TRHDE: variants seen among roughly 807,000 people sequenced by gnomAD.
TRHDE encodes thyrotropin-releasing hormone-degrading ectoenzyme.
Under a neutral mutation model 125.7 loss-of-function variants are expected in TRHDE, and 72 were observed. That is an observed-to-expected ratio of 0.57 (90% CI 0.47 to 0.70). The LOEUF is 0.70. Ranked by LOEUF, TRHDE falls within the 30% of genes least tolerant of loss-of-function variation. The pLI is 0.00. For missense variants in TRHDE, 1,110 were observed against 1,327.1 expected (o/e 0.84, Z 2.54); for synonymous variants, 509 against 509.1 (o/e 1.00, Z 0.00).
At chr12:72,598,099 G>A (rs1872054780) in intron 12 of TRHDE, among the ~76,000 whole-genome samples, 1 of 151,598 alleles carries the variant, frequency 6.6e-6, no homozygotes, top group African/African-American at 2.4e-5. Context: ...AAAAAGAAAA[G>A]GAAAACAAAG....
intron 3 of TRHDE, among the ~76,000 whole-genome samples, chr12:72,441,258 A>G (rs1025843797): frequency 3.3e-5 from 5 of 151,862 alleles, no homozygotes; most frequent in African/African-American, 1.2e-4. Flanking sequence ...TTCCTCTCAT[A>G]TAATGTTTTG....
rs1204841105 is a variant in TRHDE, at chr12:72,664,849, A to T, written c.*1654A>T. On this transcript the variant is annotated 3_prime_UTR_variant, in exon 19 of 19. Transcript: ENST00000261180. Reference sequence around the variant, plus strand: ...AAAGAGGAGCTATTTCCGAATCTATAGAATAAAGTACCACCTAAAACTGAA... The same window carrying T: ...AAAGAGGAGCTATTTCCGAATCTATTGAATAAAGTACCACCTAAAACTGAA... 6.6e-6 allele frequency: 1 copy of T among 152,114 alleles called. No homozygotes were observed. Among genetic ancestry groups the T allele is most frequent in the Non-Finnish European group, 1.5e-5 (1 of 67,994 alleles). 9.4% of individuals were successfully genotyped at this position (152,114 alleles called of 1,614,324 possible).
intron 12 of TRHDE, among the ~76,000 whole-genome samples, chr12:72,576,845 G>A (rs1053830694): frequency 6.6e-6 from 1 of 152,006 alleles, no homozygotes; most frequent in African/African-American, 2.4e-5. Context: ...TCAACAACGT[G>A]GAAATTGCTA....
At chr12:72,222,327 T>G (rs1349724187) in intron 2 of TRHDE, among the ~76,000 whole-genome samples, 2 of 152,114 alleles carry the variant, frequency 1.3e-5, no homozygotes, top group Non-Finnish European at 2.9e-5. Context: ...CAGCCATCTT[T>G]GGAAAATATA....
chr12:72,532,346 A>C (rs969436308), intron 6 of TRHDE, among the ~76,000 whole-genome samples: 1 of 151,490 alleles, frequency 6.6e-6, no homozygotes, highest in Non-Finnish European at 1.5e-5. Context: ...TATTGCTTCT[A>C]TATATTCTTT....
intron 5 of TRHDE, among the ~76,000 whole-genome samples, chr12:72,485,421 C>A (rs749257650): frequency 6.6e-6 from 1 of 152,172 alleles, no homozygotes; most frequent in Non-Finnish European, 1.5e-5. Context: ...CTGCTCCAGC[C>A]TCTGCATTCC....
chr12:72,108,812 A>G (rs540324249), intron 2 of TRHDE, among the ~76,000 whole-genome samples: 25 of 152,268 alleles, frequency 1.6e-4, no homozygotes, highest in Admixed American at 9.2e-4. Context: ...TACAGTCAAC[A>G]CAAAGAAACA....
chr12:72,149,757 A>T lies in TRHDE; in HGVS notation n.279+44005A>T, dbSNP rs146234036. Among the ~76,000 whole-genome samples, 138 of 152,298 alleles carry T rather than the reference A, an allele frequency of 9.1e-4. 1 individual carries two copies. The highest frequency in any genetic ancestry group is 3.4e-3 in the Middle Eastern group (1 of 294). On this transcript the variant is annotated intron_variant and non_coding_transcript_variant, in intron 2 of 4. Coordinates refer to the TRHDE transcript ENST00000548156. Reference sequence around the variant, plus strand: ...TGGTAAATATCTTATCCAACATCCCAAACACAAGCATATTTACTAAAATTG... The same window carrying T: ...TGGTAAATATCTTATCCAACATCCCTAACACAAGCATATTTACTAAAATTG...
intron 10 of TRHDE, among the ~76,000 whole-genome samples, chr12:72,574,142 T>G (rs560921813): frequency 1.3e-5 from 2 of 152,154 alleles, no homozygotes; most frequent in South Asian, 4.1e-4. Flanking sequence ...TAGTCTCTAC[T>G]TGAGAGAGAG....
intron 2 of TRHDE, among the ~76,000 whole-genome samples, chr12:72,151,538 T>G (rs1384639102): frequency 2.6e-5 from 4 of 151,848 alleles, no homozygotes; most frequent in South Asian, 4.2e-4. Context: ...GGTCTAACAT[T>G]TAAGTCTTTA....
chr12:72,146,919 G>A (rs1438336768), intron 2 of TRHDE, among the ~76,000 whole-genome samples: 1 of 152,204 alleles, frequency 6.6e-6, no homozygotes, highest in African/African-American at 2.4e-5. Context: ...TGGATGCGGA[G>A]CCGGAAGAAG....
At position 72,608,527 on chromosome 12, in the gene TRHDE, C is replaced by A. The variant is rs576981059; in HGVS notation, c.2322-10364C>A. On this transcript the variant is annotated intron_variant, in intron 12 of 18. Transcript: ENST00000261180. Reference sequence around the variant, plus strand: ...CCAGAGTCTGAGCTAAGAGTGTTCTCTGATTTATGTAGATTGGATGAAATG... The same window carrying A: ...CCAGAGTCTGAGCTAAGAGTGTTCTATGATTTATGTAGATTGGATGAAATG... Among the ~76,000 whole-genome samples, 231 of 152,208 alleles carry A rather than the reference C, an allele frequency of 1.5e-3. 2 individuals carry two copies. Among genetic ancestry groups the A allele is most frequent in the Admixed American group, 4.9e-3 (75 of 15,288 alleles).
intron 9 of TRHDE, 40 bp downstream of exon 9, chr12:72,563,080 T>C: frequency 1.4e-6 from 2 of 1,410,416 alleles, no homozygotes; most frequent in Non-Finnish European, 1.9e-6. Context: ...TTGTTTTTAT[T>C]CTTACATTTG....
chr12:72,374,801 G>A (rs922697947), intron 2 of TRHDE, among the ~76,000 whole-genome samples: 2 of 152,070 alleles, frequency 1.3e-5, no homozygotes, highest in South Asian at 4.1e-4. Context: ...TAGAGTAGTT[G>A]GAATGAAAGC....
intron 18 of TRHDE, among the ~76,000 whole-genome samples, chr12:72,658,555 C>A (rs1302762607): frequency 6.6e-6 from 1 of 152,010 alleles, no homozygotes; most frequent in African/African-American, 2.4e-5. Context: ...TTCATATTTT[C>A]CTGGACTTGG....
chr12:72,570,634 T>A (rs1480966278), intron 10 of TRHDE, among the ~76,000 whole-genome samples: 3 of 114,656 alleles, frequency 2.6e-5, no homozygotes, highest in Non-Finnish European at 5.1e-5. Flanking sequence ...CCTTGACCAA[T>A]AGCCACGGGT....
At chr12:72,121,858 G>A (rs961528382) in intron 2 of TRHDE, among the ~76,000 whole-genome samples, 1 of 151,830 alleles carries the variant, frequency 6.6e-6, no homozygotes, top group South Asian at 2.1e-4. Context: ...GATTTGGAAG[G>A]TGGAAGTGTA....
At chr12:72,631,897 A>G (rs550035934) in intron 15 of TRHDE, among the ~76,000 whole-genome samples, 28 of 152,102 alleles carry the variant, frequency 1.8e-4, no homozygotes, top group Non-Finnish European at 3.5e-4. Context: ...TGTTAATCTC[A>G]GTGTCCTTGA....
intron 3 of TRHDE, among the ~76,000 whole-genome samples, chr12:72,425,430 C>A (rs1460089741): frequency 1.3e-5 from 2 of 152,032 alleles, no homozygotes; most frequent in Non-Finnish European, 2.9e-5. Context: ...TTGAAAGAAT[C>A]TGTTAACCAG....
Sources: allele counts gnomAD v4.1 joint callset (sites outside exome capture counted in the v4.1 genomes callset), GRCh38; gene constraint gnomAD v4.1.1; transcripts MANE v1.5; gene names NCBI Gene and HGNC (gene_info 2026-07-23, HGNC 2026-07-21).